The following CADM4 variants were observed in gnomAD, a reference collection of about 807,000 sequenced individuals.
CADM4 encodes cell adhesion molecule 4.
CADM4 carries 13 observed loss-of-function variants against 43.9 expected under a neutral mutation model. That is an observed-to-expected ratio of 0.30 (90% CI 0.19 to 0.47). CADM4 has a LOEUF of 0.47. Ranked by LOEUF, CADM4 falls within the 20% of genes least tolerant of loss-of-function variation. The pLI, the probability that CADM4 is intolerant of heterozygous loss-of-function variation, is 1.00. For missense variants in CADM4, 420 were observed against 527.0 expected, an observed-to-expected ratio of 0.80 and a Z score of 1.99; for synonymous variants, 209 against 220.9, an observed-to-expected ratio of 0.95 and a Z score of 0.48.
At chr19:43,628,072 A>G (rs1046500952) in intron 1 of CADM4, among the ~76,000 whole-genome samples, 44 of 152,168 alleles carry the variant, frequency 2.9e-4, no homozygotes, top group African/African-American at 1.0e-3. Context: ...AGAATTGCCT[A>G]GAGAGATGGG....
chr19:43,631,363 A>G (rs1177805222), intron 1 of CADM4, among the ~76,000 whole-genome samples: 1 of 151,922 alleles, frequency 6.6e-6, no homozygotes, highest in African/African-American at 2.4e-5. Flanking sequence ...AAAAAAAGAA[A>G]TAAATAAAAG....
chr19:43,629,058 T>A (rs1311857932), intron 1 of CADM4, among the ~76,000 whole-genome samples: 1 of 152,228 alleles, frequency 6.6e-6, no homozygotes, highest in Non-Finnish European at 1.5e-5. Flanking sequence ...ATACAATACA[T>A]AATTAGGCTA....
chr19:43,640,880 C>A (rs1235227235), upstream of CADM4, among the ~76,000 whole-genome samples: 1 of 151,998 alleles, frequency 6.6e-6, no homozygotes, highest in Non-Finnish European at 1.5e-5. Flanking sequence ...GAGTGAGAAA[C>A]CATGGAAAGA....
chr19:43,639,917 G>A, upstream of CADM4: 1 of 702,072 alleles, frequency 1.4e-6, no homozygotes, highest in Non-Finnish European at 1.7e-6. Context: ...CCGGGGCGGG[G>A]CCGGGGAGGG....
chr19:43,641,936 C>T (rs1748629059), upstream of CADM4, among the ~76,000 whole-genome samples: 1 of 152,140 alleles, frequency 6.6e-6, no homozygotes, highest in South Asian at 2.1e-4. Flanking sequence ...GAAGGGGAAC[C>T]TTGGGAGATG....
At position 43,627,160 on chromosome 19, in the gene CADM4, C is replaced by T. The variant is rs772724579; in HGVS notation, c.364+6G>A. 3 of 1,566,246 alleles carry T rather than the reference C, an allele frequency of 1.9e-6. No individual in the cohort carries two copies. The highest frequency in any genetic ancestry group is 2.6e-6 in the Non-Finnish European group (3 of 1,152,222). On this transcript the variant is annotated splice_donor_region_variant and intron_variant, in intron 3 of 8. Coordinates refer to ENST00000222374, the MANE Select transcript of CADM4 (RefSeq NM_145296.2). The surrounding 1 kb of genome is among the most constrained non-coding windows in gnomAD (Gnocchi z 4.0). ...AGGATGCGTCTGACAAGGGGGAGGG[C>T]GTTACCTAGTACCGTGAGCGTGGCA...
Position 43,625,100 on chromosome 19 carries a change from C to G in CADM4, c.906G>C (p.Ala302=), listed in dbSNP as rs562160051. ...CACCGTAGACCACAAGTACGTAGAGCGCCCTCGCATGGCCGTGCTTATTGG... is the reference window on the plus strand; with the variant it reads ...CACCGTAGACCACAAGTACGTAGAGGGCCCTCGCATGGCCGTGCTTATTGG... The part of the protein sequence containing the change: ...EASNKHGHAR[A]LYVLVVYDPG... Residue 302 remains alanine (A), a synonymous_variant, in exon 7 of 9, where the codon GCG becomes GCC. Transcript: ENST00000222374. The surrounding 1 kb of genome is among the most constrained non-coding windows in gnomAD (Gnocchi z 4.5). 1.2e-6 allele frequency: 2 copies of G among 1,611,318 alleles called. No individual in the cohort carries two copies. Among genetic ancestry groups the G allele is most frequent in the Non-Finnish European group, 1.7e-6 (2 of 1,178,830 alleles).
chr19:43,638,810 A>G (rs1973734307), intron 1 of CADM4, among the ~76,000 whole-genome samples: 2 of 152,220 alleles, frequency 1.3e-5, no homozygotes, highest in Admixed American at 1.3e-4. Flanking sequence ...TTCCCCACAC[A>G]CATGCACACA....
chr19:43,641,030 A>G (rs1054177843), upstream of CADM4, among the ~76,000 whole-genome samples: 27 of 132,846 alleles, frequency 2.0e-4, no homozygotes, highest in African/African-American at 7.7e-4. Context: ...GTGCAGTGGC[A>G]CGATCTCGAC....
intron 1 of CADM4, among the ~76,000 whole-genome samples, chr19:43,633,684 CTTT>C (rs1200958737): frequency 4.7e-5 from 7 of 149,108 alleles, no homozygotes; most frequent in Non-Finnish European, 1.5e-5. Flanking sequence ...CTCTTTCTTT[CTTT>C]TTTCTTTTTT....
In CADM4 at chr19:43,626,368, G is replaced by T; in HGVS notation, c.500-80C>A. ...CCCACCCGAGCCAACGCCAAAGCAG[G>T]CTATTTGCCAAGCTCCACCCCTTAC... On this transcript the variant is annotated intron_variant, in intron 4 of 8. Transcript: ENST00000222374. The surrounding 1 kb of genome is among the most constrained non-coding windows in gnomAD (Gnocchi z 5.9). 6.5e-7 allele frequency: 1 copy of T among 1,541,088 alleles called. No individual in the cohort carries two copies. The highest frequency in any genetic ancestry group is 8.8e-7 in the Non-Finnish European group (1 of 1,138,240).
rs3842421 is a variant in CADM4 at position 43,625,578 on chromosome 19, A to AAATAAT, written c.755+327_756-329dup. On this transcript the variant is annotated intron_variant, in intron 6 of 8. Coordinates refer to ENST00000222374, the MANE Select transcript of CADM4 (RefSeq NM_145296.2). The surrounding 1 kb of genome is among the most constrained non-coding windows in gnomAD (Gnocchi z 4.5). ...GGGAGACCCCGTCACTACAATTAAA[A>AAATAAT]AATAATAATAATAATAATAATAATT... Among the ~76,000 whole-genome samples, 410 of 149,898 alleles carry AAATAAT rather than the reference A, an allele frequency of 2.7e-3. 1 individual carries two copies. The highest frequency in any genetic ancestry group is 0.01 in the South Asian group (49 of 4,690).
rs1435974844 is a variant in CADM4 at position 43,622,725 on chromosome 19, G to A, written c.*605C>T. ...ACGTTGGGGGAGAAGGTAGAGAGAA[G>A]GGGAGCCCAGGAACCTGGGGAAGGG... On this transcript the variant is annotated 3_prime_UTR_variant, in exon 9 of 9. Coordinates refer to ENST00000222374, the MANE Select transcript of CADM4 (RefSeq NM_145296.2). 6.5e-6 allele frequency: 1 copy of A among 152,722 alleles called. No homozygotes were observed. The highest frequency in any genetic ancestry group is 1.5e-5 in the Non-Finnish European group (1 of 68,214). The allele number at this position is 152,722 out of a possible 1,614,324, so 9.5% of individuals were successfully genotyped here.
chr19:43,627,528 T>C lies in CADM4; in HGVS notation c.211+116A>G. The C allele has an allele frequency of 7.5e-7, 1 of 1,325,450 alleles. No individual in the cohort carries two copies. The highest frequency in any genetic ancestry group is 1.0e-6 in the Non-Finnish European group (1 of 978,840). 82.1% of individuals were successfully genotyped at this position (1,325,450 alleles called of 1,614,324 possible). ...CCAGCAGTCCGGGACCCCAGCCCTT[T>C]CTTCTCCGAGACCCAGGAGACCAAA... is the stretch of plus-strand genomic sequence containing the variant. On this transcript the variant is annotated intron_variant, in intron 2 of 8. Transcript: ENST00000222374. This position sits in a 1 kb window ranked among gnomAD's most constrained non-coding sequence, Gnocchi z 4.0.
At chr19:43,638,246 C>T (rs908896161) in intron 1 of CADM4, among the ~76,000 whole-genome samples, 4 of 152,238 alleles carry the variant, frequency 2.6e-5, no homozygotes, top group African/African-American at 9.7e-5. Context: ...CTCAACTTGC[C>T]AGAAACCCCT....
intron 1 of CADM4, among the ~76,000 whole-genome samples, chr19:43,630,798 G>A (rs1973611469): frequency 6.6e-6 from 1 of 152,184 alleles, no homozygotes; most frequent in African/African-American, 2.4e-5. Flanking sequence ...GCCAACCTAG[G>A]AGATTTGCTT....
At chr19:43,630,889 A>G (rs577842117) in intron 1 of CADM4, among the ~76,000 whole-genome samples, 1 of 152,294 alleles carries the variant, frequency 6.6e-6, no homozygotes, top group South Asian at 2.1e-4. Flanking sequence ...GTGCTGGATA[A>G]CTATCCATGT....
chr19:43,639,039 G>T (rs139877905), intron 1 of CADM4, among the ~76,000 whole-genome samples: 1 of 152,046 alleles, frequency 6.6e-6, no homozygotes, highest in Non-Finnish European at 1.5e-5. Flanking sequence ...TTAGAGAAAC[G>T]AGTGACAGAA....
At position 43,623,727 on chromosome 19, in the gene CADM4, A is replaced by T. The variant is rs753891029; in HGVS notation, c.1058-288T>A. Among the ~76,000 whole-genome samples, 2 of 152,172 alleles carry T rather than the reference A, an allele frequency of 1.3e-5. No homozygotes were observed. The highest frequency in any genetic ancestry group is 2.9e-5 in the Non-Finnish European group (2 of 68,008). On this transcript the variant is annotated intron_variant, in intron 8 of 8. Transcript: ENST00000222374. The surrounding 1 kb of genome is among the most constrained non-coding windows in gnomAD (Gnocchi z 4.4). Reference sequence around the variant, plus strand: ...GCGAATTCAGCAATTAGGAAAATAAATTGTTTTATTCAAATCCATGCTCTT... The same window carrying T: ...GCGAATTCAGCAATTAGGAAAATAATTTGTTTTATTCAAATCCATGCTCTT...
Sources: gnomAD v4.1 joint callset for allele counts (sites outside exome capture counted in the v4.1 genomes callset) on GRCh38, gnomAD v4.1.1 for gene constraint, Gnocchi (gnomAD v3.1) non-coding constraint, MANE v1.5 for transcripts, NCBI Gene and HGNC (gene_info 2026-07-23, HGNC 2026-07-21) for gene names.